Variants in EXOC1L observed in about 807,000 individuals in gnomAD.
EXOC1L encodes exocyst complex component 1 like.
In EXOC1L, 10 loss-of-function variants were observed where a neutral mutation model predicts 4.9. The observed-to-expected ratio is 2.02, with a 90% CI of 1.25 to 3.43. The LOEUF is 3.43. EXOC1L is among the 30% of genes most tolerant of loss of function. The pLI is 0.00. For synonymous variants in EXOC1L, 41 were observed against 20.8 expected, an observed-to-expected ratio of 1.97 and a Z score of -2.63; for missense variants, 114 against 59.4, an observed-to-expected ratio of 1.92 and a Z score of -3.02.
intron 2 of EXOC1L, among the ~76,000 whole-genome samples, chr4:55,831,731 T>C (rs1439595021): frequency 6.6e-6 from 1 of 152,042 alleles, no homozygotes; most frequent in African/African-American, 2.4e-5. Flanking sequence ...CAGTCAATCC[T>C]GAAAATTTAA....
rs1454289195 is a variant in EXOC1L, at chr4:55,820,118, T to C, written c.92T>C (p.Val31Ala). 1 of 398,948 alleles carries C rather than the reference T, an allele frequency of 2.5e-6. No homozygotes were observed. Among genetic ancestry groups the C allele is most frequent in the Non-Finnish European group, 4.4e-6 (1 of 226,078 alleles). 24.7% of individuals were successfully genotyped at this position (398,948 alleles called of 1,614,324 possible). The change falls in exon 1 of 3, where the codon GTC becomes GCC. Residue 31 changes from valine to alanine, a missense_variant. Coordinates refer to ENST00000636125, the MANE Select transcript of EXOC1L (RefSeq NM_001351574.3). Reference protein sequence around the residue: ...LYEFIEIEFSVQDRYYLCVSV... With the variant: ...LYEFIEIEFSAQDRYYLCVSV... ...GAGTTTATTGAAATAGAGTTCTCCG[T>C]CCAGGACAGGTATTACCTCTGTGTG... is the stretch of plus-strand genomic sequence containing the variant.
At chr4:55,820,913 C>T (rs1023245914) in intron 1 of EXOC1L, among the ~76,000 whole-genome samples, 1 of 152,184 alleles carries the variant, frequency 6.6e-6, no homozygotes, top group African/African-American at 2.4e-5. Context: ...CAGGAGTGCT[C>T]ATGCCATTAT....
At chr4:55,822,441 C>G (rs565897366) in intron 1 of EXOC1L, among the ~76,000 whole-genome samples, 47 of 152,276 alleles carry the variant, frequency 3.1e-4, no homozygotes, top group African/African-American at 1.0e-3. Context: ...AGAACATTAT[C>G]ACTGGAAGTT....
chr4:55,834,082 TTAATTTACATAAATGTAA>T lies in EXOC1L; in HGVS notation c.252+2629_252+2646del, dbSNP rs1425266350. 3.3e-5 allele frequency among the ~76,000 whole-genome samples: 5 copies of T among 151,962 alleles called. No individual in the cohort carries two copies. In the East Asian group the frequency reaches 5.8e-4, roughly 18 times the overall value. On this transcript the variant is annotated intron_variant, in intron 2 of 2. Transcript: ENST00000636125. ...ATTTTTTACATTTACATGATTGCAT[TTAATTTACATAAATGTAA>T]TAATTTACATTATTACATGTTTTAC...
Position 55,837,194 on chromosome 4 carries a change from A to G in EXOC1L, c.362A>G (p.Tyr121Cys), listed in dbSNP as rs760366992. 4.3e-6 allele frequency: 3 copies of G among 702,014 alleles called. No homozygotes were observed. In the Admixed American group the frequency reaches 6.0e-5, roughly 14 times the overall value. The allele number at this position is 702,014 out of a possible 1,614,324, so 43.5% of individuals were successfully genotyped here. Residue 121 changes from tyrosine (Y) to cysteine (C), a missense_variant, in exon 3 of 3, where the codon TAT becomes TGT. By Grantham distance (194) the Tyr-to-Cys change is radical. Transcript: ENST00000636125. ...ARTVNKLNHA[Y>C]LKKDLQIVNF... Reference sequence around the variant, plus strand: ...ACTGTAAATAAGCTGAATCATGCATATCTTAAAAAGGACTTACAGATCGTG... The same window carrying G: ...ACTGTAAATAAGCTGAATCATGCATGTCTTAAAAAGGACTTACAGATCGTG...
intron 2 of EXOC1L, among the ~76,000 whole-genome samples, chr4:55,836,579 C>T (rs1720170240): frequency 6.6e-6 from 1 of 151,910 alleles, no homozygotes; most frequent in Non-Finnish European, 1.5e-5. Flanking sequence ...ATCGTCCTTG[C>T]TATTACCTTC....
At chr4:55,832,997 A>G (rs934136530) in intron 2 of EXOC1L, among the ~76,000 whole-genome samples, 2 of 151,968 alleles carry the variant, frequency 1.3e-5, no homozygotes, top group African/African-American at 4.8e-5. Flanking sequence ...ATCTGCTATT[A>G]CCTGGATTTT....
chr4:55,821,289 A>T (rs1213608249), intron 1 of EXOC1L, among the ~76,000 whole-genome samples: 3 of 152,154 alleles, frequency 2.0e-5, no homozygotes, highest in African/African-American at 7.2e-5. Flanking sequence ...AGGGTATTCT[A>T]GCGACATAAA....
intron 1 of EXOC1L, among the ~76,000 whole-genome samples, chr4:55,827,350 C>T (rs1022965870): frequency 6.6e-6 from 1 of 152,192 alleles, no homozygotes; most frequent in African/African-American, 2.4e-5. Context: ...CAGGTTACCT[C>T]TCTCAGGAAG....
rs1379288642 is a variant in EXOC1L, at chr4:55,837,401, A to AG, written c.*51dup. 9.1e-6 allele frequency: 4 copies of AG among 438,266 alleles called. No homozygotes were observed. The highest frequency in any genetic ancestry group is 1.6e-5 in the Non-Finnish European group (4 of 247,622). 27.1% of individuals were successfully genotyped at this position (438,266 alleles called of 1,614,324 possible). On this transcript the variant is annotated 3_prime_UTR_variant, in exon 3 of 3. Transcript: ENST00000636125. ...AGTGACCTATGAAAATGGTTTCCCA[A>AG]GTAAATATTGATTGTCATAATTTTG... is the stretch of plus-strand genomic sequence containing the variant.
At chr4:55,834,979 C>T (rs960289864) in intron 2 of EXOC1L, among the ~76,000 whole-genome samples, 5 of 151,794 alleles carry the variant, frequency 3.3e-5, no homozygotes, top group Non-Finnish European at 7.4e-5. Context: ...CCTCACTGCT[C>T]ATCCTACCCT....
In EXOC1L at chr4:55,834,335, G is replaced by C. The variant is rs114915871; in HGVS notation, c.253-2750G>C. ...TGATTGAGATCTTGGGTTTTGTCCT[G>C]GCTCTGCCAATAACTAAATGTGTGA... On this transcript the variant is annotated intron_variant, in intron 2 of 2. Coordinates refer to ENST00000636125, the MANE Select transcript of EXOC1L (RefSeq NM_001351574.3). Among the ~76,000 whole-genome samples, 1,174 of 151,888 alleles carry C rather than the reference G, an allele frequency of 7.7e-3. 7 individuals carry two copies. Among genetic ancestry groups the C allele is most frequent in the African/African-American group, 0.027 (1,102 of 41,464 alleles).
rs1223447103 is a variant in EXOC1L at position 55,827,955 on chromosome 4, A to G, written c.122-3379A>G. 2.0e-5 allele frequency among the ~76,000 whole-genome samples: 3 copies of G among 152,158 alleles called. No individual in the cohort carries two copies. The South Asian group carries it at 6.2e-4, about 32-fold the overall frequency. Reference sequence around the variant, plus strand: ...GTGGAGACGGAAACTTTTTAGTGCTAGAGAAGGATAGGTGGGCAGAAGCCC... The same window carrying G: ...GTGGAGACGGAAACTTTTTAGTGCTGGAGAAGGATAGGTGGGCAGAAGCCC... On this transcript the variant is annotated intron_variant, in intron 1 of 2. Coordinates refer to ENST00000636125, the MANE Select transcript of EXOC1L (RefSeq NM_001351574.3).
chr4:55,831,267 A>C (rs1423755279), intron 1 of EXOC1L, 67 bp from the exon 2 acceptor site: 1 of 501,216 alleles, frequency 2.0e-6, no homozygotes, highest in African/African-American at 2.0e-5. Flanking sequence ...AATACCAAAA[A>C]GTATGACTTG....
chr4:55,828,380 C>T (rs972701282), intron 1 of EXOC1L, among the ~76,000 whole-genome samples: 1 of 152,276 alleles, frequency 6.6e-6, no homozygotes, highest in Non-Finnish European at 1.5e-5. Context: ...AGGGACTTAA[C>T]GGGATTGTCT....
rs866384925 is a variant in EXOC1L, at chr4:55,821,619, T to A, written c.121+1472T>A. Among the ~76,000 whole-genome samples the A allele has an allele frequency of 1.7e-4, 26 of 152,276 alleles. No homozygotes were observed. The Middle Eastern group carries it at 0.014, about 80-fold the overall frequency. On this transcript the variant is annotated intron_variant, in intron 1 of 2. Coordinates refer to ENST00000636125, the MANE Select transcript of EXOC1L (RefSeq NM_001351574.3). ...ATATATCTTAGTTTCTCCCTCCAAATTATGTAATTAACTAGACTTGTTCTA... is the reference window on the plus strand; with the variant it reads ...ATATATCTTAGTTTCTCCCTCCAAAATATGTAATTAACTAGACTTGTTCTA...
chr4:55,830,140 T>G (rs992057878), intron 1 of EXOC1L, among the ~76,000 whole-genome samples: 19 of 152,272 alleles, frequency 1.2e-4, no homozygotes, highest in African/African-American at 4.6e-4. Context: ...TTCTCAGAAC[T>G]CCTATTGAAC....
intron 2 of EXOC1L, among the ~76,000 whole-genome samples, chr4:55,835,597 C>T (rs1047831145): frequency 1.3e-5 from 2 of 151,980 alleles, no homozygotes; most frequent in African/African-American, 4.8e-5. Flanking sequence ...TTGCATTTCT[C>T]TGATCATTAG....
At chr4:55,834,806 G>GT (rs1286343733) in intron 2 of EXOC1L, among the ~76,000 whole-genome samples, 3 of 151,632 alleles carry the variant, frequency 2.0e-5, no homozygotes, top group Non-Finnish European at 4.4e-5. Context: ...TATGATTATG[G>GT]TTTTTTTAAT....
Sources: gnomAD v4.1 joint callset for allele counts (sites outside exome capture counted in the v4.1 genomes callset) on GRCh38, gnomAD v4.1.1 for gene constraint, MANE v1.5 for transcripts, NCBI Gene and HGNC (gene_info 2026-07-23, HGNC 2026-07-21) for gene names.